The following PCDH15 variants were observed in gnomAD, a reference collection of about 807,000 sequenced individuals.
PCDH15 encodes the protein protocadherin related 15.
A neutral mutation model predicts 178.5 loss-of-function variants in PCDH15; 129 were observed. The ratio of observed to expected loss-of-function variants is 0.72; its 90% CI spans 0.63 to 0.84. The LOEUF is 0.84. Ranked by LOEUF, PCDH15 falls within the 40% of genes least tolerant of loss-of-function variation. The pLI is 0.00. For synonymous variants in PCDH15, 800 were observed against 732.0 expected, an observed-to-expected ratio of 1.09 and a Z score of -1.50; for missense variants, 2,230 against 2,099.9, an observed-to-expected ratio of 1.06 and a Z score of -1.21.
chr10:54,714,342 A>G (rs2095455669), intron 1 of PCDH15, among the ~76,000 whole-genome samples: 1 of 152,146 alleles, frequency 6.6e-6, no homozygotes, highest in Non-Finnish European at 1.5e-5. Flanking sequence ...GATAGGTAAT[A>G]TGAAATAATA....
At chr10:54,292,895 T>C (rs925023733) in intron 8 of PCDH15, among the ~76,000 whole-genome samples, 1 of 152,100 alleles carries the variant, frequency 6.6e-6, no homozygotes, top group African/African-American at 2.4e-5. Flanking sequence ...CTGCCCAAGG[T>C]AATTTATAGA....
rs917096348 is a variant in PCDH15, at chr10:54,965,922, A to G, written c.-79-68422T>C. On this transcript the variant is annotated intron_variant, in intron 2 of 5. Transcript: ENST00000458638. ...CATATAATATATTATGTAAGTGTAT[A>G]TTATATATGCAGCACATATTATATA... Among the ~76,000 whole-genome samples, 3 of 150,872 alleles carry G rather than the reference A, an allele frequency of 2.0e-5. No individual in the cohort carries two copies. In the Admixed American group the frequency reaches 2.0e-4, roughly 10 times the overall value.
chr10:54,615,583 G>T (rs2093112904), intron 2 of PCDH15, among the ~76,000 whole-genome samples: 1 of 151,820 alleles, frequency 6.6e-6, no homozygotes, highest in South Asian at 2.1e-4. Context: ...CAGTTACCTT[G>T]GTACTTGAGA....
chr10:54,192,623 C>G (rs1405942231), intron 11 of PCDH15, among the ~76,000 whole-genome samples: 1 of 151,824 alleles, frequency 6.6e-6, no homozygotes, highest in East Asian at 1.9e-4. Flanking sequence ...ATTCTATGAG[C>G]TTATTTATAT....
intron 3 of PCDH15, among the ~76,000 whole-genome samples, chr10:54,818,910 T>C (rs1238793929): frequency 6.6e-6 from 1 of 152,024 alleles, no homozygotes; most frequent in Non-Finnish European, 1.5e-5. Flanking sequence ...TATAAATTCT[T>C]TTTACATGTT....
intron 3 of PCDH15, among the ~76,000 whole-genome samples, chr10:54,518,681 A>G (rs2082492321): frequency 6.6e-6 from 1 of 152,210 alleles, no homozygotes; most frequent in South Asian, 2.1e-4. Flanking sequence ...AATCAATAGA[A>G]AAAGAGGGAA....
intron 2 of PCDH15, among the ~76,000 whole-genome samples, chr10:55,021,070 A>C (rs1840315538): frequency 6.7e-6 from 1 of 149,578 alleles, no homozygotes; most frequent in South Asian, 2.1e-4. Flanking sequence ...TCTTCAGAGA[A>C]AGGCATAGAC....
intron 1 of PCDH15, among the ~76,000 whole-genome samples, chr10:54,694,533 G>A (rs1180094504): frequency 6.6e-6 from 1 of 151,914 alleles, no homozygotes; most frequent in African/African-American, 2.4e-5. Context: ...TATCGGCATT[G>A]TTTTTCCAAT....
chr10:53,995,240 A>G (rs968205785), intron 21 of PCDH15: 2 of 175,720 alleles, frequency 1.1e-5, no homozygotes, highest in Non-Finnish European at 1.2e-5. Flanking sequence ...ATTTACCAAA[A>G]TAAACACATT....
intron 9 of PCDH15, among the ~76,000 whole-genome samples, chr10:54,217,424 T>G (rs186402378): frequency 8.5e-5 from 13 of 152,286 alleles, no homozygotes; most frequent in Admixed American, 6.5e-4. Flanking sequence ...GGTGGTATGT[T>G]GTGATTCCAA....
intron 2 of PCDH15, 100 bp from the exon 3 acceptor site, chr10:54,527,977 T>C: frequency 1.1e-6 from 1 of 920,902 alleles, no homozygotes; most frequent in African/African-American, 1.7e-5. Flanking sequence ...AAAAGGAAAA[T>C]CTTGCAATCT....
intron 1 of PCDH15, among the ~76,000 whole-genome samples, chr10:55,302,017 C>T (rs1292789853): frequency 6.6e-6 from 1 of 152,134 alleles, no homozygotes; most frequent in African/African-American, 2.4e-5. Flanking sequence ...TAGTAGAATG[C>T]TATCTTCCAC....
chr10:55,127,816 A>T (rs564214839), intron 2 of PCDH15, among the ~76,000 whole-genome samples: 1 of 152,050 alleles, frequency 6.6e-6, no homozygotes, highest in Non-Finnish European at 1.5e-5. Context: ...TTAGGACCCT[A>T]ATCTTACATA....
intron 3 of PCDH15, among the ~76,000 whole-genome samples, chr10:54,517,928 C>T (rs1365141455): frequency 2.0e-5 from 3 of 152,150 alleles, no homozygotes; most frequent in East Asian, 1.9e-4. Flanking sequence ...CACTCGACTA[C>T]ATGGAAACTG....
intron 35 of PCDH15, among the ~76,000 whole-genome samples, chr10:53,812,663 G>T (rs180996602): frequency 6.6e-6 from 1 of 151,998 alleles, no homozygotes; most frequent in African/African-American, 2.4e-5. Context: ...ATGTGAAAAC[G>T]GTTTCTGATA....
intron 18 of PCDH15, among the ~76,000 whole-genome samples, chr10:54,042,589 C>T (rs1488091599): frequency 1.3e-5 from 2 of 151,922 alleles, no homozygotes; most frequent in African/African-American, 2.4e-5. Flanking sequence ...GTTTGGTAAG[C>T]GTAGCTGTGT....
chr10:54,762,208 G>A (rs116293663), intron 1 of PCDH15, among the ~76,000 whole-genome samples: 28,849 of 150,844 alleles, frequency 0.19, 3,384 homozygotes, highest in East Asian at 0.48. Context: ...TATTTTTCTT[G>A]TCTTATAAGA....
chr10:54,439,204 A>G (rs1455089136), intron 3 of PCDH15, among the ~76,000 whole-genome samples: 1 of 152,092 alleles, frequency 6.6e-6, no homozygotes, highest in Non-Finnish European at 1.5e-5. Context: ...AAATATGTAT[A>G]AGGATTCAGC....
chr10:55,454,427 T>G (rs1421558516), intron 2 of PCDH15, among the ~76,000 whole-genome samples: 2 of 151,948 alleles, frequency 1.3e-5, no homozygotes, highest in Non-Finnish European at 2.9e-5. Flanking sequence ...AAAATCGAAT[T>G]GTAATATCCT....
Sources: gnomAD v4.1 joint callset for allele counts (sites outside exome capture counted in the v4.1 genomes callset) on GRCh38, gnomAD v4.1.1 for gene constraint, MANE v1.5 for transcripts, NCBI Gene and HGNC (gene_info 2026-07-23, HGNC 2026-07-21) for gene names.